The following RNF212B variants were observed in gnomAD, a reference collection of about 807,000 sequenced individuals.
The protein encoded by RNF212B is ring finger protein 212B.
Under a neutral mutation model 55.5 loss-of-function variants are expected in RNF212B, and 52 were observed. That is an observed-to-expected ratio of 0.94 (90% CI 0.75 to 1.18). RNF212B has a LOEUF of 1.18. Ranked by LOEUF, RNF212B falls within the 50% of genes most tolerant of loss-of-function variation. The pLI is 0.00. For synonymous variants in RNF212B, 99 were observed against 121.4 expected (o/e 0.82, Z 1.21); for missense variants, 289 against 350.4 (o/e 0.82, Z 1.40).
chr14:23,199,482 C>T (rs919507013), intron 2 of RNF212B, among the ~76,000 whole-genome samples: 1 of 152,152 alleles, frequency 6.6e-6, no homozygotes, highest in African/African-American at 2.4e-5. Flanking sequence ...TTCCCTTTAG[C>T]TTAGTGATTT....
chr14:23,190,067 C>T (rs1375064543), intron 1 of RNF212B, among the ~76,000 whole-genome samples: 3 of 152,090 alleles, frequency 2.0e-5, no homozygotes, highest in Non-Finnish European at 2.9e-5. Flanking sequence ...CAGCATGTGG[C>T]CAGCTAATGG....
At chr14:23,269,801 G>T in intron 12 of RNF212B, 62 bp from the exon 13 acceptor site, 1 of 925,646 alleles carries the variant, frequency 1.1e-6, no homozygotes. Flanking sequence ...CATTACATAT[G>T]CTTTTTATTT....
rs1216029662 is a variant in RNF212B, at chr14:23,202,717, G to A, written c.-2+9316G>A. On this transcript the variant is annotated intron_variant, in intron 2 of 15. Transcript: ENST00000399910. The stretch of plus-strand genomic sequence containing the variant: ...ATACAAAAAATTAGCCGGGCATGGT[G>A]GTGGGCACCTGTAGTCCCAGCTACT... Among the ~76,000 whole-genome samples the A allele has an allele frequency of 3.9e-5, 6 of 152,090 alleles. No homozygotes were observed. In the East Asian group the frequency reaches 1.2e-3, roughly 29 times the overall value.
At chr14:23,227,099 T>C (rs549578927) in intron 2 of RNF212B, among the ~76,000 whole-genome samples, 1 of 152,126 alleles carries the variant, frequency 6.6e-6, no homozygotes, top group South Asian at 2.1e-4. Flanking sequence ...GGTTTTGATA[T>C]TGTATTATAT....
intron 1 of RNF212B, among the ~76,000 whole-genome samples, chr14:23,187,309 A>G (rs1290819046): frequency 6.6e-6 from 1 of 152,140 alleles, no homozygotes; most frequent in Non-Finnish European, 1.5e-5. Flanking sequence ...TTAAAACACA[A>G]ACACACACAA....
chr14:23,246,162 C>T (rs1260143048), intron 4 of RNF212B, among the ~76,000 whole-genome samples: 1 of 149,064 alleles, frequency 6.7e-6, no homozygotes, highest in African/African-American at 2.5e-5. Context: ...TGGAGTCTTG[C>T]TTTTGTCTGT....
At chr14:23,214,360 G>A (rs965824021) in intron 2 of RNF212B, among the ~76,000 whole-genome samples, 1 of 152,012 alleles carries the variant, frequency 6.6e-6, no homozygotes, top group Non-Finnish European at 1.5e-5. Flanking sequence ...TGGGCATGGT[G>A]GTACATGCCT....
intron 2 of RNF212B, among the ~76,000 whole-genome samples, chr14:23,213,100 C>G (rs191999013): frequency 6.6e-6 from 1 of 152,036 alleles, no homozygotes; most frequent in African/African-American, 2.4e-5. Flanking sequence ...ATCACAAGGT[C>G]AGGAGATCGA....
intron 2 of RNF212B, among the ~76,000 whole-genome samples, chr14:23,201,982 A>G (rs182445286): frequency 4.0e-4 from 61 of 152,226 alleles, no homozygotes; most frequent in African/African-American, 1.5e-3. Flanking sequence ...CGGGCACAGT[A>G]GCTCATGCCT....
At chr14:23,232,791 G>T (rs1299005277) in intron 2 of RNF212B, among the ~76,000 whole-genome samples, 2 of 149,448 alleles carry the variant, frequency 1.3e-5, no homozygotes, top group Admixed American at 1.3e-4. Flanking sequence ...AGGTGGGGGG[G>T]GGGTCAGCCT....
In RNF212B at chr14:23,265,369, A is replaced by C. The variant is rs577485168; in HGVS notation, c.634+698A>C. ...TCTTTGCTGTGTTTTAAACATAAAA[A>C]TATTCCAGTGAAGGAATATTTTGGG... On this transcript the variant is annotated intron_variant, in intron 11 of 14. Transcript: ENST00000430154. 5.9e-5 allele frequency among the ~76,000 whole-genome samples: 9 copies of C among 152,342 alleles called. No homozygotes were observed. In the South Asian group the frequency reaches 1.7e-3, roughly 28 times the overall value.
intron 2 of RNF212B, among the ~76,000 whole-genome samples, chr14:23,194,277 G>A (rs900603310): frequency 1.3e-5 from 2 of 151,970 alleles, no homozygotes; most frequent in East Asian, 1.9e-4. Flanking sequence ...TATAAAGGAG[G>A]CCAATATAAA....
intron 2 of RNF212B, among the ~76,000 whole-genome samples, chr14:23,197,991 T>C (rs1194304143): frequency 6.6e-6 from 1 of 152,132 alleles, no homozygotes; most frequent in African/African-American, 2.4e-5. Flanking sequence ...GATTACAAAG[T>C]ACATTGATCA....
chr14:23,267,935 T>C (rs187984345), intron 11 of RNF212B, among the ~76,000 whole-genome samples: 3 of 152,376 alleles, frequency 2.0e-5, no homozygotes, highest in East Asian at 3.9e-4. Context: ...TTTTAATTCA[T>C]TTACATTTAA....
At chr14:23,258,279 G>A (rs1042905541) in intron 4 of RNF212B, among the ~76,000 whole-genome samples, 4 of 150,962 alleles carry the variant, frequency 2.6e-5, no homozygotes, top group African/African-American at 4.9e-5. Flanking sequence ...CAGAGGTTAC[G>A]GTGAGCCGAG....
chr14:23,231,645 C>T (rs867597133), intron 2 of RNF212B, among the ~76,000 whole-genome samples: 4 of 152,072 alleles, frequency 2.6e-5, no homozygotes, highest in Middle Eastern at 3.4e-3. Context: ...CCTCTCCCCA[C>T]GGTCTCCCTC....
Position 23,260,707 on chromosome 14 carries a change from A to G in RNF212B, c.434+20A>G, listed in dbSNP as rs1231850512. On this transcript the variant is annotated intron_variant, in intron 7 of 14. Coordinates refer to ENST00000430154, the MANE Select transcript of RNF212B (RefSeq NM_001282322.3). ...AAGCAGGTCAGTTTTATCAGCTCCC[A>G]TACTAGCCCAGCCCCCTGAAAATTC... 3 of 1,549,318 alleles carry G rather than the reference A, an allele frequency of 1.9e-6. No individual in the cohort carries two copies. Among genetic ancestry groups the G allele is most frequent in the African/African-American group, 1.4e-5 (1 of 73,000 alleles).
chr14:23,255,046 GGAGA>G (rs111975257), intron 4 of RNF212B, among the ~76,000 whole-genome samples: 1 of 152,166 alleles, frequency 6.6e-6, no homozygotes. Flanking sequence ...CAAGAAATCA[GGAGA>G]GAGAGAGGTA....
chr14:23,187,671 A>G (rs1279172718), intron 1 of RNF212B, among the ~76,000 whole-genome samples: 1 of 152,120 alleles, frequency 6.6e-6, no homozygotes, highest in Non-Finnish European at 1.5e-5. Flanking sequence ...GAGGTTACCA[A>G]CAAAGGACCC....
Sources: gnomAD v4.1 joint callset for allele counts (sites outside exome capture counted in the v4.1 genomes callset) on GRCh38, gnomAD v4.1.1 for gene constraint, MANE v1.5 for transcripts, NCBI Gene and HGNC (gene_info 2026-07-23, HGNC 2026-07-21) for gene names.